The following SVOPL variants were observed in gnomAD, a reference collection of about 807,000 sequenced individuals.
The protein encoded by SVOPL is putative transporter SVOPL.
In SVOPL, 60 loss-of-function variants were observed where a neutral mutation model predicts 61.0. That is an observed-to-expected ratio of 0.98 (90% CI 0.80 to 1.22). The LOEUF (loss-of-function observed/expected upper bound fraction) is 1.22, where lower values mean the gene tolerates loss of function less well. Among genes scored for constraint, SVOPL ranks in the 50% most tolerant of loss-of-function variants. The pLI, the probability that SVOPL is intolerant of heterozygous loss-of-function variation, is 0.00. For missense variants in SVOPL, 662 were observed against 643.9 expected (o/e 1.03, Z -0.30); for synonymous variants, 279 against 250.0 (o/e 1.12, Z -1.09).
chr7:138,624,602 A>C (rs1160432318), intron 13 of SVOPL, among the ~76,000 whole-genome samples: 1 of 152,234 alleles, frequency 6.6e-6, no homozygotes, highest in Non-Finnish European at 1.5e-5. Flanking sequence ...ATATCAAGTC[A>C]ACACGAAATT....
chr7:138,672,876 A>C (rs967180412), intron 3 of SVOPL, among the ~76,000 whole-genome samples: 5 of 149,824 alleles, frequency 3.3e-5, no homozygotes, highest in Middle Eastern at 3.4e-3. Flanking sequence ...CATATTTTGC[A>C]ATCCGTTATA....
At chr7:138,604,677 C>CAAAAAAAAAAAAAAAAAAA (rs5887890) in intron 14 of SVOPL, among the ~76,000 whole-genome samples, 3 of 58,786 alleles carry the variant, frequency 5.1e-5, no homozygotes, top group African/African-American at 1.7e-4. Context: ...AACTTTATCT[C>CAAAAAAAAAAAAAAAAAAA]AAAAAAAAAA....
At chr7:138,652,442 C>T (rs1315292703) in intron 7 of SVOPL, among the ~76,000 whole-genome samples, 1 of 151,674 alleles carries the variant, frequency 6.6e-6, no homozygotes. Flanking sequence ...CCACCTTGGC[C>T]TCCAAAGCAC....
At chr7:138,688,495 C>T (rs902847335) in intron 1 of SVOPL, among the ~76,000 whole-genome samples, 9 of 152,284 alleles carry the variant, frequency 5.9e-5, no homozygotes, top group Admixed American at 5.9e-4. Context: ...GTCTTGAACT[C>T]CTGACCTCCA....
At chr7:138,689,554 A>T in intron 1 of SVOPL, 1 of 519,156 alleles carries the variant, frequency 1.9e-6, no homozygotes, top group Non-Finnish European at 3.4e-6. Flanking sequence ...TGAAATTAAA[A>T]GTAAAAAAAG....
intron 1 of SVOPL, chr7:138,688,848 T>G (rs1802876988): frequency 2.7e-6 from 1 of 367,562 alleles, no homozygotes; most frequent in Non-Finnish European, 5.3e-6. Flanking sequence ...CATCAAAATT[T>G]ATATATGGAA....
intron 1 of SVOPL, among the ~76,000 whole-genome samples, chr7:138,698,436 A>G (rs1803119809): frequency 6.6e-6 from 1 of 152,132 alleles, no homozygotes. Flanking sequence ...GACTAGAGGC[A>G]GGGTGGCTGG....
In SVOPL at chr7:138,661,295, A is replaced by G. The variant is rs368389727; in HGVS notation, c.346-1307T>C. ...TGACTTTGAGCACGTAGCTAGTTTC[A>G]AAGCTATACCAACATGAGCAAAATG... On this transcript the variant is annotated intron_variant, in intron 5 of 15. Transcript: ENST00000674285. The G allele has an allele frequency of 2.6e-5, 26 of 985,454 alleles. 1 individual carries two copies. The African/African-American group carries it at 3.8e-4, about 15-fold the overall frequency. 61.0% of individuals were successfully genotyped at this position (985,454 alleles called of 1,614,324 possible).
intron 3 of SVOPL, among the ~76,000 whole-genome samples, chr7:138,677,170 C>T (rs1209162660): frequency 1.3e-5 from 2 of 152,142 alleles, no homozygotes; most frequent in Admixed American, 1.3e-4. Context: ...TCCCAAAGTG[C>T]TGGGATTACA....
At chr7:138,619,387 C>T (rs113320746) in intron 14 of SVOPL, among the ~76,000 whole-genome samples, 9 of 151,254 alleles carry the variant, frequency 6.0e-5, no homozygotes, top group Admixed American at 2.6e-4. Flanking sequence ...GGCGACAGAG[C>T]GAGACCCTGT....
chr7:138,596,420 G>A lies in SVOPL; in HGVS notation c.1464C>T (p.Leu488=), dbSNP rs746456994. 6.8e-6 allele frequency: 11 copies of A among 1,613,540 alleles called. No individual in the cohort carries two copies. The highest frequency in any genetic ancestry group is 9.3e-6 in the Non-Finnish European group (11 of 1,179,770). Residue 488 remains leucine, a synonymous_variant, in exon 15 of 16, where the codon CTC becomes CTT. Coordinates refer to ENST00000674285, the MANE Select transcript of SVOPL (RefSeq NM_001139456.2). ...CAGAGTTCCCTGCATCACTCACCTG[G>A]AGGGCCCGTCCTTTGGTTTCGATGG... ...TLPIETKGRA[L]QQIK is the part of the protein sequence containing the mutation.
At chr7:138,600,203 C>T (rs894434509) in intron 14 of SVOPL, among the ~76,000 whole-genome samples, 6 of 152,186 alleles carry the variant, frequency 3.9e-5, no homozygotes, top group Admixed American at 6.5e-5. Context: ...TAAAATATGA[C>T]GATAGTAAAT....
chr7:138,684,934 C>CTTTTCT (rs1262262993), intron 1 of SVOPL, among the ~76,000 whole-genome samples: 1 of 140,128 alleles, frequency 7.1e-6, no homozygotes, highest in African/African-American at 2.6e-5. Flanking sequence ...TTTTTCTTTT[C>CTTTTCT]TTTTTTTTTT....
chr7:138,610,761 C>T (rs1309959550), intron 14 of SVOPL, among the ~76,000 whole-genome samples: 6 of 152,192 alleles, frequency 3.9e-5, no homozygotes, highest in Admixed American at 3.3e-4. Flanking sequence ...TCCAGCCACC[C>T]TTGAAGGGCC....
chr7:138,622,094 C>G lies in SVOPL; in HGVS notation c.1264-959G>C, dbSNP rs368390315. Among the ~76,000 whole-genome samples the G allele has an allele frequency of 6.9e-3, 317 of 46,126 alleles. 1 individual carries two copies. The highest frequency in any genetic ancestry group is 0.013 in the East Asian group (16 of 1,190). 30.3% of individuals were successfully genotyped at this position (46,126 alleles called of 152,430 possible). On this transcript the variant is annotated intron_variant, in intron 13 of 15. Transcript: ENST00000674285. ...TGTATCTATCTATCTATCTATGTAT[C>G]TATCTATCTATCTATCTATCTATCT...
At chr7:138,669,831 T>TC (rs1045539027) in intron 4 of SVOPL, among the ~76,000 whole-genome samples, 9 of 152,324 alleles carry the variant, frequency 5.9e-5, no homozygotes, top group Admixed American at 3.3e-4. Flanking sequence ...ATGCCTTTTT[T>TC]CCCCATGAAT....
chr7:138,654,220 G>A (rs1431134290), intron 7 of SVOPL, among the ~76,000 whole-genome samples: 1 of 151,716 alleles, frequency 6.6e-6, no homozygotes, highest in Non-Finnish European at 1.5e-5. Flanking sequence ...GATCAGTAGA[G>A]TGACTATAGT....
rs374764875 is a variant in SVOPL, at chr7:138,605,441, C to T, written c.1354-8911G>A. Reference sequence around the variant, plus strand: ...CTTTGGGAGGCCGAGGCAGATGGATCACCCAAGGTCAGGAGCTTGAGATCA... The same window carrying T: ...CTTTGGGAGGCCGAGGCAGATGGATTACCCAAGGTCAGGAGCTTGAGATCA... On this transcript the variant is annotated intron_variant, in intron 14 of 15. Coordinates refer to ENST00000674285, the MANE Select transcript of SVOPL (RefSeq NM_001139456.2). Among the ~76,000 whole-genome samples, 483 of 152,112 alleles carry T rather than the reference C, an allele frequency of 3.2e-3. 2 individuals carry two copies. Among genetic ancestry groups the T allele is most frequent in the African/African-American group, 0.011 (466 of 41,516 alleles).
intron 13 of SVOPL, among the ~76,000 whole-genome samples, chr7:138,622,717 C>T (rs1480928646): frequency 1.3e-5 from 2 of 152,204 alleles, no homozygotes; most frequent in Non-Finnish European, 2.9e-5. Flanking sequence ...CTGCCTCAGC[C>T]TCCCAAAGTG....
Sources: gnomAD v4.1 joint callset for allele counts (sites outside exome capture counted in the v4.1 genomes callset) on GRCh38, gnomAD v4.1.1 for gene constraint, MANE v1.5 for transcripts, NCBI Gene and HGNC (gene_info 2026-07-23, HGNC 2026-07-21) for gene names.